CNTNAP2: variants seen among roughly 807,000 people sequenced by gnomAD.
CNTNAP2 encodes the protein contactin-associated protein-like 2.
In CNTNAP2, 98 loss-of-function variants were observed where a neutral mutation model predicts 155.2. The ratio of observed to expected loss-of-function variants is 0.63; its 90% confidence interval spans 0.54 to 0.75. The LOEUF is 0.75. CNTNAP2 is among the 30% of genes least tolerant of loss of function. The pLI, the probability that CNTNAP2 is intolerant of heterozygous loss-of-function variation, is 0.00. For synonymous variants in CNTNAP2, 651 were observed against 631.2 expected (o/e 1.03, Z -0.47); for missense variants, 1,727 against 1,688.1 (o/e 1.02, Z -0.40).
chr7:146,271,200 C>G (rs553648710), intron 1 of CNTNAP2, among the ~76,000 whole-genome samples: 1 of 152,074 alleles, frequency 6.6e-6, no homozygotes, highest in African/African-American at 2.4e-5. Context: ...ATTTAGTCAT[C>G]AAGACCAAAT....
At chr7:148,109,864 T>A (rs1174911798) in intron 15 of CNTNAP2, among the ~76,000 whole-genome samples, 3 of 152,222 alleles carry the variant, frequency 2.0e-5, no homozygotes, top group African/African-American at 7.2e-5. Flanking sequence ...GACCTTCCTC[T>A]GGAGCCTCAG....
At chr7:147,009,619 A>G (rs1481252409) in intron 3 of CNTNAP2, among the ~76,000 whole-genome samples, 1 of 152,206 alleles carries the variant, frequency 6.6e-6, no homozygotes, top group Admixed American at 6.5e-5. Context: ...AATATGGATC[A>G]TTTCAGATAA....
intron 1 of CNTNAP2, among the ~76,000 whole-genome samples, chr7:146,540,749 T>G (rs1244468498): frequency 1.3e-5 from 2 of 152,064 alleles, no homozygotes; most frequent in African/African-American, 4.8e-5. Flanking sequence ...TGAGGGCTAG[T>G]GCCAATTAAG....
intron 1 of CNTNAP2, among the ~76,000 whole-genome samples, chr7:146,408,095 G>T (rs1158567974): frequency 1.3e-5 from 2 of 152,012 alleles, no homozygotes; most frequent in African/African-American, 4.8e-5. Flanking sequence ...TCAACTGTAT[G>T]GGGAGTCAGA....
At chr7:146,794,266 T>A (rs760585053) in intron 2 of CNTNAP2, among the ~76,000 whole-genome samples, 5 of 152,220 alleles carry the variant, frequency 3.3e-5, no homozygotes, top group Non-Finnish European at 7.3e-5. Context: ...CATATCTCTA[T>A]GTCTGAACAT....
At chr7:147,145,295 A>G (rs1226515492) in intron 8 of CNTNAP2, among the ~76,000 whole-genome samples, 2 of 152,256 alleles carry the variant, frequency 1.3e-5, no homozygotes, top group Non-Finnish European at 2.9e-5. Context: ...CCCCCAGGGG[A>G]TATTTGGCAA....
intron 13 of CNTNAP2, among the ~76,000 whole-genome samples, chr7:147,700,454 T>C (rs757312277): frequency 2.6e-5 from 4 of 152,178 alleles, no homozygotes; most frequent in Non-Finnish European, 4.4e-5. Flanking sequence ...TTCAACTAAA[T>C]TTTATACCTA....
chr7:147,923,674 C>T (rs536186100), intron 14 of CNTNAP2, among the ~76,000 whole-genome samples: 382 of 101,400 alleles, frequency 3.8e-3, no homozygotes, highest in African/African-American at 0.014. Flanking sequence ...CCACCATGCC[C>T]AGCTAATTAA....
At chr7:146,563,475 T>G (rs1798311898) in intron 1 of CNTNAP2, among the ~76,000 whole-genome samples, 1 of 152,238 alleles carries the variant, frequency 6.6e-6, no homozygotes, top group Middle Eastern at 3.4e-3. Flanking sequence ...GTCTACTTTC[T>G]CAGTATCCTC....
intron 1 of CNTNAP2, among the ~76,000 whole-genome samples, chr7:146,702,760 A>G (rs1306606049): frequency 1.3e-5 from 2 of 152,128 alleles, no homozygotes; most frequent in Admixed American, 6.6e-5. Context: ...ATAGTGGCAT[A>G]ATTTCTGTAT....
intron 3 of CNTNAP2, among the ~76,000 whole-genome samples, chr7:146,914,611 A>G (rs976216333): frequency 6.6e-6 from 1 of 151,866 alleles, no homozygotes; most frequent in Non-Finnish European, 1.5e-5. Flanking sequence ...TGAGAATTGT[A>G]TATTCATGTC....
intron 10 of CNTNAP2, among the ~76,000 whole-genome samples, chr7:147,400,601 C>A (rs964536346): frequency 3.3e-4 from 50 of 152,278 alleles, no homozygotes; most frequent in African/African-American, 1.2e-3. Context: ...CTCTTCACAG[C>A]TCAGCTGCCA....
intron 2 of CNTNAP2, among the ~76,000 whole-genome samples, chr7:146,810,705 T>C (rs1803050869): frequency 6.6e-6 from 1 of 152,098 alleles, no homozygotes; most frequent in Non-Finnish European, 1.5e-5. Flanking sequence ...TGCACCTTTG[T>C]CTTGTTCTTA....
intron 3 of CNTNAP2, among the ~76,000 whole-genome samples, chr7:147,033,791 A>C (rs1214327560): frequency 6.7e-6 from 1 of 148,986 alleles, no homozygotes; most frequent in Non-Finnish European, 1.5e-5. Flanking sequence ...CAATTGAGTG[A>C]AGAGGGGAAA....
intron 1 of CNTNAP2, among the ~76,000 whole-genome samples, chr7:146,232,150 C>G (rs550584987): frequency 5.0e-4 from 76 of 150,582 alleles, no homozygotes; most frequent in Non-Finnish European, 8.5e-4. Flanking sequence ...AGTTGATTAA[C>G]AAGATGATAT....
At chr7:148,204,118 A>G (rs1181046290) in intron 18 of CNTNAP2, among the ~76,000 whole-genome samples, 1 of 152,228 alleles carries the variant, frequency 6.6e-6, no homozygotes, top group Admixed American at 6.5e-5. Flanking sequence ...AAGCAACTCT[A>G]GAGAATTTCT....
intron 15 of CNTNAP2, among the ~76,000 whole-genome samples, chr7:147,979,155 C>A (rs1801481055): frequency 1.3e-5 from 2 of 152,138 alleles, no homozygotes; most frequent in Admixed American, 1.3e-4. Context: ...GTTCCTAATA[C>A]AAAAGGGAGA....
intron 13 of CNTNAP2, among the ~76,000 whole-genome samples, chr7:147,740,851 C>G (rs908101923): frequency 2.0e-5 from 3 of 152,060 alleles, no homozygotes; most frequent in Non-Finnish European, 4.4e-5. Flanking sequence ...GGGAAGGAGT[C>G]GAAGGGGAGC....
intron 1 of CNTNAP2, among the ~76,000 whole-genome samples, chr7:146,559,422 A>T (rs1269829392): frequency 1.3e-5 from 2 of 151,934 alleles, no homozygotes; most frequent in African/African-American, 4.8e-5. Flanking sequence ...ATAAAAATTA[A>T]CTGGGTGTGT....
Sources: gnomAD v4.1 joint callset for allele counts (sites outside exome capture counted in the v4.1 genomes callset) on GRCh38, gnomAD v4.1.1 for gene constraint, MANE v1.5 for transcripts, NCBI Gene and HGNC (gene_info 2026-07-23, HGNC 2026-07-21) for gene names.